ZC3H12C: variants seen among roughly 807,000 people sequenced by gnomAD.
The protein encoded by ZC3H12C is zinc finger CCCH-type containing 12C, also known as probable ribonuclease ZC3H12C.
Under a neutral mutation model 76.3 loss-of-function variants are expected in ZC3H12C, and 20 were observed. The observed-to-expected ratio is 0.26, with a 90% CI of 0.18 to 0.38. The LOEUF is 0.38. ZC3H12C is among the 10% of genes least tolerant of loss of function. The pLI is 1.00. For missense variants in ZC3H12C, 874 were observed against 1,086.5 expected (o/e 0.80, Z 2.75); for synonymous variants, 352 against 399.6 (o/e 0.88, Z 1.42).
intron 1 of ZC3H12C, among the ~76,000 whole-genome samples, chr11:110,099,687 C>T (rs188113706): frequency 4.8e-4 from 73 of 151,940 alleles, no homozygotes; most frequent in Admixed American, 2.7e-3. Context: ...TGGCATGTGC[C>T]TGTAAAACCA....
intron 2 of ZC3H12C, among the ~76,000 whole-genome samples, chr11:110,141,690 G>A (rs1032151413): frequency 3.9e-5 from 6 of 152,132 alleles, no homozygotes; most frequent in African/African-American, 4.8e-5. Context: ...TCAAAATTAC[G>A]TGCAGTAGAC....
Position 110,170,794 on chromosome 11 carries a change from T to C in ZC3H12C, c.*5057T>C, listed in dbSNP as rs1862663951. On this transcript the variant is annotated 3_prime_UTR_variant, in exon 6 of 6. Transcript: ENST00000278590. ...GCATGAACATCATCATCCACTTAAA[T>C]AGTTAAACTTTCTTTTAAAATTGGA... 6.6e-6 allele frequency: 1 copy of C among 152,254 alleles called. No individual in the cohort carries two copies. Among genetic ancestry groups the C allele is most frequent in the Non-Finnish European group, 1.5e-5 (1 of 68,034 alleles). 9.4% of individuals were successfully genotyped at this position (152,254 alleles called of 1,614,324 possible).
At chr11:110,160,043 G>C (rs1862452027) in intron 4 of ZC3H12C, among the ~76,000 whole-genome samples, 1 of 152,216 alleles carries the variant, frequency 6.6e-6, no homozygotes, top group Non-Finnish European at 1.5e-5. Flanking sequence ...CTACTGTACT[G>C]AATACTGTAG....
intron 1 of ZC3H12C, among the ~76,000 whole-genome samples, chr11:110,129,064 C>T (rs987966422): frequency 2.6e-5 from 4 of 152,082 alleles, no homozygotes; most frequent in African/African-American, 9.7e-5. Flanking sequence ...ATGAGACCAT[C>T]GCCTTAACTA....
In ZC3H12C at chr11:110,153,010, G is replaced by T; in HGVS notation, c.865G>T (p.Val289Phe). 1 of 1,611,820 alleles carries T rather than the reference G, an allele frequency of 6.2e-7. No individual in the cohort carries two copies. The highest frequency in any genetic ancestry group is 8.5e-7 in the Non-Finnish European group (1 of 1,178,936). The change falls in exon 3 of 6, where the codon GTT (valine) becomes TTT (phenylalanine). Residue 289 changes from valine (V) to phenylalanine (F), a missense_variant. Around this residue, in one of 3 missense-constraint regions of ZC3H12C, gnomAD observed 269 missense variants for 424.9 expected, o/e 0.63. Transcript: ENST00000278590. ...ERGHKDITVF[V>F]PAWRKEQSRP... is the part of the protein sequence containing the mutation. ...AGGCCACAAAGACATTACAGTTTTT[G>T]TTCCTGCTTGGAGGAAAGAGCAATC... is the stretch of plus-strand genomic sequence containing the variant.
chr11:110,098,021 C>CA (rs888359077), intron 1 of ZC3H12C, among the ~76,000 whole-genome samples: 2 of 151,780 alleles, frequency 1.3e-5, no homozygotes, highest in African/African-American at 2.4e-5. Context: ...TCTACTTATA[C>CA]AAAAAAAAGT....
At chr11:110,141,660 G>A (rs892263550) in intron 2 of ZC3H12C, among the ~76,000 whole-genome samples, 4 of 152,104 alleles carry the variant, frequency 2.6e-5, no homozygotes, top group Non-Finnish European at 2.9e-5. Context: ...TTTGTTTTTG[G>A]CTCTCTCAAC....
intron 2 of ZC3H12C, among the ~76,000 whole-genome samples, chr11:110,139,154 C>T (rs1038847941): frequency 6.6e-6 from 1 of 152,182 alleles, no homozygotes; most frequent in African/African-American, 2.4e-5. Flanking sequence ...GAGAACCAAC[C>T]TAATCCTCTA....
intron 4 of ZC3H12C, among the ~76,000 whole-genome samples, chr11:110,160,249 C>G (rs570870409): frequency 6.6e-6 from 1 of 152,128 alleles, no homozygotes; most frequent in African/African-American, 2.4e-5. Context: ...TGAATGTGAA[C>G]GGCTAGGACA....
chr11:110,165,047 A>G lies in ZC3H12C; in HGVS notation c.1962A>G (p.Pro654=), dbSNP rs1862552723. 1 of 1,613,744 alleles carries G rather than the reference A, an allele frequency of 6.2e-7. No homozygotes were observed. Among genetic ancestry groups the G allele is most frequent in the African/African-American group, 1.3e-5 (1 of 74,914 alleles). ...NDRSYVSSPD[P]QLEENLKCQH... ...GGTCCTATGTCAGCTCCCCCGACCC[A>G]CAGCTAGAGGAGAATTTGAAGTGTC... Residue 654 remains proline, a synonymous_variant, in exon 6 of 6, where the codon CCA becomes CCG. Coordinates refer to ENST00000278590, the MANE Select transcript of ZC3H12C (RefSeq NM_033390.2).
chr11:110,094,509 C>A (rs1861078342), intron 1 of ZC3H12C, among the ~76,000 whole-genome samples: 2 of 152,192 alleles, frequency 1.3e-5, no homozygotes, highest in Admixed American at 1.3e-4. Context: ...CAATTTTTGA[C>A]TTTTCAAGAA....
chr11:110,160,397 G>GT (rs1309724421), intron 4 of ZC3H12C, among the ~76,000 whole-genome samples: 4 of 99,598 alleles, frequency 4.0e-5, no homozygotes, highest in African/African-American at 1.2e-4. Context: ...AAACTTCTTA[G>GT]TTTTTAAAAC....
At chr11:110,103,525 G>A (rs542673906) in intron 1 of ZC3H12C, among the ~76,000 whole-genome samples, 1 of 152,046 alleles carries the variant, frequency 6.6e-6, no homozygotes, top group South Asian at 2.1e-4. Flanking sequence ...ACTGTATTGG[G>A]TATGTACTGT....
rs1861339059 is a variant in ZC3H12C, at chr11:110,106,870, C to G, written c.21+13438C>G. ...TTCTATAATAATGACCCAATACTAT[C>G]AGGGTTTTTTCAGTATTTCAATTCA... On this transcript the variant is annotated intron_variant, in intron 1 of 5. Transcript: ENST00000278590. 2.6e-5 allele frequency among the ~76,000 whole-genome samples: 4 copies of G among 152,180 alleles called. No individual in the cohort carries two copies. The South Asian group carries it at 8.3e-4, about 32-fold the overall frequency.
chr11:110,094,728 C>T (rs2134137640), intron 1 of ZC3H12C, among the ~76,000 whole-genome samples: 1 of 152,260 alleles, frequency 6.6e-6, no homozygotes, highest in East Asian at 1.9e-4. Flanking sequence ...CAGGAAGATG[C>T]CTATTTCGGA....
At position 110,168,127 on chromosome 11, in the gene ZC3H12C, T is replaced by C. The variant is rs1862613193; in HGVS notation, c.*2390T>C. 6.6e-6 allele frequency: 1 copy of C among 152,182 alleles called. No individual in the cohort carries two copies. Among genetic ancestry groups the C allele is most frequent in the South Asian group, 2.1e-4 (1 of 4,838 alleles). 9.4% of individuals were successfully genotyped at this position (152,182 alleles called of 1,614,324 possible). On this transcript the variant is annotated 3_prime_UTR_variant, in exon 6 of 6. Coordinates refer to ENST00000278590, the MANE Select transcript of ZC3H12C (RefSeq NM_033390.2). ...TCTTAGGTGAGATGTGTGTGACACT[T>C]TGAATTTGACCTTCTTGTGTTATTA...
Position 110,164,949 on chromosome 11 carries a change from G to A in ZC3H12C, c.1864G>A (p.Val622Ile), listed in dbSNP as rs554311923. The change falls in exon 6 of 6, where the codon GTA becomes ATA. Residue 622 changes from valine to isoleucine, a missense_variant. Val to Ile is a conservative substitution (Grantham distance 29). Coordinates refer to ENST00000278590, the MANE Select transcript of ZC3H12C (RefSeq NM_033390.2). The surrounding 1 kb of genome is among the most constrained non-coding windows in gnomAD (Gnocchi z 5.7). ...SLDTDYRISS[V>I]ASDCSSEGSM... ...AGACACAGATTATAGAATAAGTTCCGTAGCTTCTGACTGCAGCAGTGAAGG... is the reference window on the plus strand; with the variant it reads ...AGACACAGATTATAGAATAAGTTCCATAGCTTCTGACTGCAGCAGTGAAGG... 2.5e-6 allele frequency: 4 copies of A among 1,614,016 alleles called. No individual in the cohort carries two copies. Among genetic ancestry groups the A allele is most frequent in the Non-Finnish European group, 3.4e-6 (4 of 1,179,894 alleles).
chr11:110,102,384 G>T (rs933111444), intron 1 of ZC3H12C, among the ~76,000 whole-genome samples: 26 of 151,642 alleles, frequency 1.7e-4, no homozygotes, highest in Non-Finnish European at 3.2e-4. Context: ...TTCAATGGAG[G>T]AAATCACTGC....
intron 1 of ZC3H12C, among the ~76,000 whole-genome samples, chr11:110,113,560 C>G (rs117951799): frequency 0.015 from 2,297 of 152,180 alleles, 27 homozygotes; most frequent in Admixed American, 0.021. Flanking sequence ...ATTGAAAAGC[C>G]TTACTTTGAA....
Sources: allele counts gnomAD v4.1 joint callset (sites outside exome capture counted in the v4.1 genomes callset), GRCh38; gene constraint gnomAD v4.1.1; regional missense constraint gnomAD v4.1.1; non-coding constraint Gnocchi (gnomAD v3.1); transcripts MANE v1.5; gene names NCBI Gene and HGNC (gene_info 2026-07-23, HGNC 2026-07-21).